The following ZNF423 variants were observed in gnomAD, a reference collection of about 807,000 sequenced individuals.
ZNF423 encodes the protein Ebf-associated zinc finger protein.
ZNF423 carries 12 observed loss-of-function variants against 95.8 expected under a neutral mutation model. That is an observed-to-expected ratio of 0.13 (90% CI 0.08 to 0.20). ZNF423 has a LOEUF of 0.20. Among genes scored for constraint, ZNF423 ranks in the 10% least tolerant of loss-of-function variants. The pLI, the probability that ZNF423 is intolerant of heterozygous loss-of-function variation, is 1.00. For synonymous variants in ZNF423, 749 were observed against 711.9 expected, an observed-to-expected ratio of 1.05 and a Z score of -0.83; for missense variants, 1,316 against 1,737.1, an observed-to-expected ratio of 0.76 and a Z score of 4.31.
At chr16:49,594,069 G>A (rs1971104160) in intron 5 of ZNF423, among the ~76,000 whole-genome samples, 1 of 152,150 alleles carries the variant, frequency 6.6e-6, no homozygotes, top group South Asian at 2.1e-4. Flanking sequence ...GAGTCCTTGA[G>A]AACCATCCCC....
At chr16:49,858,566 G>A (rs2035396775), upstream of ZNF423, among the ~76,000 whole-genome samples, 2 of 152,164 alleles carry the variant, frequency 1.3e-5, no homozygotes, top group Admixed American at 1.3e-4. The surrounding 1 kb of genome is among the most constrained non-coding windows in gnomAD (Gnocchi z 4.3). Context: ...CCCCAGAGGG[G>A]CGGAGGCCAG....
At chr16:49,709,719 C>T (rs2032483983) in intron 3 of ZNF423, among the ~76,000 whole-genome samples, 1 of 152,108 alleles carries the variant, frequency 6.6e-6, no homozygotes, top group African/African-American at 2.4e-5. Flanking sequence ...GATCAGTTTC[C>T]TTATCAAAAA....
chr16:49,496,086 C>T (rs555265993), intron 7 of ZNF423, among the ~76,000 whole-genome samples: 2 of 152,336 alleles, frequency 1.3e-5, no homozygotes, highest in African/African-American at 4.8e-5. Context: ...TTGGCAAGTG[C>T]TCCATTGGTG....
intron 5 of ZNF423, among the ~76,000 whole-genome samples, chr16:49,584,245 G>A (rs539229745): frequency 5.3e-5 from 8 of 152,250 alleles, no homozygotes; most frequent in South Asian, 2.1e-4. Flanking sequence ...AGCCCCCATC[G>A]TGTCCCTTAG....
intron 5 of ZNF423, among the ~76,000 whole-genome samples, chr16:49,554,018 C>T (rs1424516563): frequency 7.2e-5 from 11 of 152,192 alleles, no homozygotes; most frequent in Non-Finnish European, 1.5e-4. Flanking sequence ...AACTGCCCCT[C>T]CAGTGCCCAT....
chr16:49,849,809 T>C lies in ZNF423; in HGVS notation c.40+5926A>G, dbSNP rs533838956. 2.0e-4 allele frequency among the ~76,000 whole-genome samples: 31 copies of C among 152,332 alleles called. No individual in the cohort carries two copies. In the South Asian group the frequency reaches 6.4e-3, roughly 32 times the overall value. The stretch of plus-strand genomic sequence containing the variant: ...TCAACTTGGTAACTGAGCTCCGACA[T>C]TGTGTAATTGACTTTGCAAGTAGAA... On this transcript the variant is annotated intron_variant, in intron 1 of 7. Transcript: ENST00000563137.
chr16:49,828,736 G>T lies in ZNF423; in HGVS notation c.40+26999C>A, dbSNP rs535798925. On this transcript the variant is annotated intron_variant, in intron 1 of 7. Coordinates refer to ENST00000563137, the MANE Select transcript of ZNF423 (RefSeq NM_001379286.1). ...CCAGGCGAGTCCTGTGTGGATCCTT[G>T]TACATACACTACAGTCCCGCCCACG... Among the ~76,000 whole-genome samples the T allele has an allele frequency of 2.6e-5, 4 of 152,330 alleles. No individual in the cohort carries two copies. In the South Asian group the frequency reaches 8.3e-4, roughly 32 times the overall value.
intron 2 of ZNF423, among the ~76,000 whole-genome samples, chr16:49,740,419 A>G (rs1596952903): frequency 6.6e-6 from 1 of 152,060 alleles, no homozygotes; most frequent in Non-Finnish European, 1.5e-5. Flanking sequence ...CCAATTCCGC[A>G]CTCGGCTTGT....
At chr16:49,548,173 G>A (rs2151748785) in intron 5 of ZNF423, among the ~76,000 whole-genome samples, 1 of 152,210 alleles carries the variant, frequency 6.6e-6, no homozygotes, top group South Asian at 2.1e-4. Context: ...GGTCCTCCAA[G>A]CACCTCCCAG....
intron 1 of ZNF423, 128 bp from the exon 2 acceptor site, chr16:49,789,674 G>A (rs1215821338): frequency 7.2e-6 from 6 of 828,958 alleles, no homozygotes; most frequent in Admixed American, 3.7e-5. Context: ...CAGGGGAGAG[G>A]GGGCAAAGCC....
chr16:49,720,084 C>T (rs2032822494), intron 3 of ZNF423, among the ~76,000 whole-genome samples: 1 of 152,182 alleles, frequency 6.6e-6, no homozygotes, highest in Non-Finnish European at 1.5e-5. Context: ...CCCCACCTTC[C>T]ACCTCCCAGA....
At chr16:49,759,341 G>A (rs1224383820) in intron 2 of ZNF423, among the ~76,000 whole-genome samples, 1 of 152,048 alleles carries the variant, frequency 6.6e-6, no homozygotes, top group Non-Finnish European at 1.5e-5. Context: ...GGAGGTTGCG[G>A]TGAGCCAAGA....
At position 49,628,140 on chromosome 16, in the gene ZNF423, G is replaced by T. The variant is rs190203957; in HGVS notation, c.3517-1886C>A. 5.5e-4 allele frequency among the ~76,000 whole-genome samples: 55 copies of T among 100,186 alleles called. No homozygotes were observed. The East Asian group carries it at 0.014, about 25-fold the overall frequency. The allele number at this position is 100,186 out of a possible 152,430, so 65.7% of individuals were successfully genotyped here. On this transcript the variant is annotated intron_variant, in intron 4 of 7. Transcript: ENST00000563137. Reference sequence around the variant, plus strand: ...CATCTACTCCAACCATCCATCCATCGTCCATCTACCCATCCATCCATCTAC... The same window carrying T: ...CATCTACTCCAACCATCCATCCATCTTCCATCTACCCATCCATCCATCTAC...
chr16:49,679,310 C>A (rs763769226), intron 3 of ZNF423, among the ~76,000 whole-genome samples: 4 of 152,238 alleles, frequency 2.6e-5, no homozygotes, highest in Non-Finnish European at 5.9e-5. Flanking sequence ...GGTGGGATCT[C>A]TGCCCCCTTC....
chr16:49,699,572 G>T (rs992069265), intron 3 of ZNF423, among the ~76,000 whole-genome samples: 1 of 152,132 alleles, frequency 6.6e-6, no homozygotes, highest in Non-Finnish European at 1.5e-5. Context: ...TTGGCAAATA[G>T]TATGTGTTTT....
At chr16:49,826,369 C>T (rs1345401978) in intron 1 of ZNF423, among the ~76,000 whole-genome samples, 1 of 152,156 alleles carries the variant, frequency 6.6e-6, no homozygotes, top group Non-Finnish European at 1.5e-5. Context: ...TCAACATGGC[C>T]AGGGCACGCA....
intron 1 of ZNF423, 57 bp from the exon 2 acceptor site, chr16:49,789,603 G>C: frequency 6.4e-7 from 1 of 1,556,878 alleles, no homozygotes. Context: ...AATAGATCAG[G>C]TAAGGCACAG....
chr16:49,649,658 CACACACA>C (rs1555517832), intron 3 of ZNF423, among the ~76,000 whole-genome samples: 4 of 132,188 alleles, frequency 3.0e-5, no homozygotes, highest in South Asian at 3.0e-4. Context: ...CACACACACA[CACACACA>C]CACAGGGAGA....
intron 1 of ZNF423, among the ~76,000 whole-genome samples, chr16:49,839,346 G>GC (rs1464524809): frequency 6.6e-6 from 1 of 152,108 alleles, no homozygotes; most frequent in Non-Finnish European, 1.5e-5. Flanking sequence ...TTGGAGAGGG[G>GC]CCGGCCTCTG....
Sources: gnomAD v4.1 joint callset for allele counts (sites outside exome capture counted in the v4.1 genomes callset) on GRCh38, gnomAD v4.1.1 for gene constraint, Gnocchi (gnomAD v3.1) non-coding constraint, MANE v1.5 for transcripts, NCBI Gene and HGNC (gene_info 2026-07-23, HGNC 2026-07-21) for gene names.